The following NLK variants were observed in gnomAD, a reference collection of about 807,000 sequenced individuals.
The protein encoded by NLK is nemo like kinase, also known as serine/threonine-protein kinase NLK.
Under a neutral mutation model 59.0 loss-of-function variants are expected in NLK, and 11 were observed. The observed-to-expected ratio is 0.19, with a 90% CI of 0.12 to 0.31. The LOEUF (loss-of-function observed/expected upper bound fraction) is 0.31. Among genes scored for constraint, NLK ranks in the 10% least tolerant of loss-of-function variants. The pLI is 1.00. For synonymous variants in NLK, 235 were observed against 235.9 expected, an observed-to-expected ratio of 1.00 and a Z score of 0.03; for missense variants, 410 against 661.1, an observed-to-expected ratio of 0.62 and a Z score of 4.16.
the NLK span, among the ~76,000 whole-genome samples, chr17:28,202,789 T>A: frequency 6.6e-6 from 1 of 151,534 alleles, no homozygotes; most frequent in Non-Finnish European, 1.5e-5. Context: ...TTCAAGCGAT[T>A]TTCCTGCCTC....
intron 3 of NLK, among the ~76,000 whole-genome samples, chr17:28,153,359 A>G (rs930158187): frequency 6.6e-6 from 1 of 152,086 alleles, no homozygotes; most frequent in African/African-American, 2.4e-5. Context: ...GGTGGTTTAT[A>G]AACAACACTA....
At chr17:28,076,929 A>G (rs1271733331) in intron 1 of NLK, among the ~76,000 whole-genome samples, 3 of 152,144 alleles carry the variant, frequency 2.0e-5, no homozygotes, top group South Asian at 2.1e-4. Context: ...AAGATTGACA[A>G]TTATATTCAG....
At chr17:28,095,061 G>C (rs533220076) in intron 1 of NLK, among the ~76,000 whole-genome samples, 1 of 152,074 alleles carries the variant, frequency 6.6e-6, no homozygotes, top group East Asian at 1.9e-4. Flanking sequence ...CTCCTTACCA[G>C]AATAAAATTA....
At chr17:28,072,793 C>CTATTTAATA (rs2142758266) in intron 1 of NLK, among the ~76,000 whole-genome samples, 1 of 152,054 alleles carries the variant, frequency 6.6e-6, no homozygotes, top group South Asian at 2.1e-4. Context: ...CTGCCTGGTC[C>CTATTTAATA]GTTTTAATAG....
intron 3 of NLK, among the ~76,000 whole-genome samples, chr17:28,153,701 TGTGTAATG>T (rs1443724724): frequency 6.6e-6 from 1 of 152,202 alleles, no homozygotes; most frequent in African/African-American, 2.4e-5. Context: ...GGGTTTTTTC[TGTGTAATG>T]GTCCTTTGTT....
chr17:28,050,528 C>T (rs981094337), intron 1 of NLK, among the ~76,000 whole-genome samples: 1 of 151,964 alleles, frequency 6.6e-6, no homozygotes, highest in Non-Finnish European at 1.5e-5. Context: ...GCTCCGTAGG[C>T]GGGCAATGAT....
In NLK at chr17:28,064,721, A is replaced by T. The variant is rs1490452697; in HGVS notation, c.458+21390A>T. 2.0e-5 allele frequency among the ~76,000 whole-genome samples: 3 copies of T among 152,180 alleles called. No individual in the cohort carries two copies. The East Asian group carries it at 5.8e-4, about 29-fold the overall frequency. ...CTTAAACAAATCATTTTAAATGTGCAGTCTTTTAAGATAGTCTACCTAGAT... is the reference window on the plus strand; with the variant it reads ...CTTAAACAAATCATTTTAAATGTGCTGTCTTTTAAGATAGTCTACCTAGAT... On this transcript the variant is annotated intron_variant, in intron 1 of 10. Coordinates refer to ENST00000407008, the MANE Select transcript of NLK (RefSeq NM_016231.5).
intron 1 of NLK, among the ~76,000 whole-genome samples, chr17:28,055,099 T>C (rs902154259): frequency 1.3e-5 from 2 of 150,452 alleles, no homozygotes; most frequent in African/African-American, 2.4e-5. Context: ...TTTTTTCTTT[T>C]TTTTTTTTTT....
intron 1 of NLK, among the ~76,000 whole-genome samples, chr17:28,066,585 A>G (rs1175864923): frequency 3.3e-5 from 5 of 152,244 alleles, no homozygotes; most frequent in African/African-American, 1.2e-4. Context: ...ATATTCATTT[A>G]CAATATTTCT....
intron 1 of NLK, among the ~76,000 whole-genome samples, chr17:28,117,285 A>T (rs1184816795): frequency 6.6e-6 from 1 of 152,200 alleles, no homozygotes; most frequent in Non-Finnish European, 1.5e-5. Flanking sequence ...GCATAAAATG[A>T]TTTTCAGCTG....
At chr17:28,135,006 T>A (rs1906681177) in intron 3 of NLK, among the ~76,000 whole-genome samples, 1 of 152,170 alleles carries the variant, frequency 6.6e-6, no homozygotes, top group South Asian at 2.1e-4. Context: ...TGGGAATGGA[T>A]CACCACTTGT....
intron 1 of NLK, among the ~76,000 whole-genome samples, chr17:28,114,650 A>G (rs531320252): frequency 1.3e-3 from 198 of 152,324 alleles, no homozygotes; most frequent in Non-Finnish European, 2.5e-3. Flanking sequence ...ATATTCTTCT[A>G]TACGTTATCT....
intron 3 of NLK, among the ~76,000 whole-genome samples, chr17:28,133,813 AG>A (rs1270644427): frequency 6.6e-6 from 1 of 152,184 alleles, no homozygotes; most frequent in African/African-American, 2.4e-5. Context: ...CTGATTCACC[AG>A]TGAGGTAATG....
intron 1 of NLK, chr17:28,116,294 C>T: frequency 9.8e-6 from 2 of 204,660 alleles, no homozygotes; most frequent in South Asian, 9.4e-5. Flanking sequence ...CTGGCAGCAC[C>T]TATTGAGGCC....
chr17:28,129,684 G>A (rs1906438909), intron 2 of NLK, among the ~76,000 whole-genome samples: 1 of 152,134 alleles, frequency 6.6e-6, no homozygotes, highest in African/African-American at 2.4e-5. Context: ...GGATTTAGCT[G>A]TGTTCCTTAT....
At chr17:28,149,001 G>A (rs1396625143) in intron 3 of NLK, among the ~76,000 whole-genome samples, 9 of 152,174 alleles carry the variant, frequency 5.9e-5, no homozygotes, top group Non-Finnish European at 1.3e-4. Context: ...TTAAAGAAGT[G>A]TCTGGCACAT....
rs746942336 is a variant in NLK at position 28,122,595 on chromosome 17, T to G, written c.459-8T>G. 3.7e-6 allele frequency: 6 copies of G among 1,612,802 alleles called. No individual in the cohort carries two copies. The South Asian group carries it at 6.6e-5, about 18-fold the overall frequency. ...TTTTTTCCCCTTCCCCAAATATTGC[T>G]TCTTTAGGTCAGTAACAGATCCAAG... On this transcript the variant is annotated splice_region_variant and splice_polypyrimidine_tract_variant and intron_variant, in intron 1 of 10. Coordinates refer to ENST00000407008, the MANE Select transcript of NLK (RefSeq NM_016231.5).
In NLK at chr17:28,092,712, T is replaced by C. The variant is rs150927850; in HGVS notation, c.459-29891T>C. On this transcript the variant is annotated intron_variant, in intron 1 of 10. Coordinates refer to ENST00000407008, the MANE Select transcript of NLK (RefSeq NM_016231.5). Reference sequence around the variant, plus strand: ...CAAACAAAACAGACTGTATCCTGCCTCGAAGTAGAAAGAGCTAAGCAACTA... The same window carrying C: ...CAAACAAAACAGACTGTATCCTGCCCCGAAGTAGAAAGAGCTAAGCAACTA... Among the ~76,000 whole-genome samples the C allele has an allele frequency of 9.5e-3, 1,449 of 152,198 alleles. 16 individuals are homozygous for C. Among genetic ancestry groups the C allele is most frequent in the Middle Eastern group, 0.031 (9 of 294 alleles).
Position 28,072,520 on chromosome 17 carries a change from G to GTC in NLK, c.458+29192_458+29193dup, listed in dbSNP as rs141671001. ...TTTAAAAACTTTTTGTAGAGACAGG[G>GTC]TCTCACTGTGTTGCCCAGGCTGGTC... On this transcript the variant is annotated intron_variant, in intron 1 of 10. Coordinates refer to ENST00000407008, the MANE Select transcript of NLK (RefSeq NM_016231.5). 6.3e-3 allele frequency among the ~76,000 whole-genome samples: 963 copies of GTC among 151,958 alleles called. 7 individuals carry two copies. The highest frequency in any genetic ancestry group is 0.023 in the African/African-American group (940 of 41,464).
Sources: gnomAD v4.1 joint callset for allele counts (sites outside exome capture counted in the v4.1 genomes callset) on GRCh38, gnomAD v4.1.1 for gene constraint, MANE v1.5 for transcripts, NCBI Gene and HGNC (gene_info 2026-07-23, HGNC 2026-07-21) for gene names.